The following XXYLT1 variants were observed in gnomAD, a reference collection of about 807,000 sequenced individuals.
XXYLT1 encodes the protein UDP-xylose:alpha-xyloside alpha-1,3-xylosyltransferase.
A neutral mutation model predicts 28.9 loss-of-function variants in XXYLT1; 20 were observed. The ratio of observed to expected loss-of-function variants is 0.69; its 90% confidence interval spans 0.49 to 1.00. The LOEUF is 1.00. Among genes scored for constraint, XXYLT1 ranks in the 50% least tolerant of loss-of-function variants. The probability of loss-of-function intolerance (pLI) is 0.00; values close to 1 mark genes in which losing one functional copy is unlikely to be tolerated. For missense variants in XXYLT1, 542 were observed against 560.1 expected (o/e 0.97, Z 0.33); for synonymous variants, 257 against 253.8 (o/e 1.01, Z -0.12).
intron 1 of XXYLT1, among the ~76,000 whole-genome samples, chr3:195,252,727 C>CACACACACACACACACAGAGAG (rs1191544595): frequency 8.4e-6 from 1 of 119,010 alleles, no homozygotes; most frequent in African/African-American, 4.0e-5. Context: ...CACACACACA[C>CACACACACACACACACAGAGAG]AGAGAGAGAG....
In XXYLT1 at chr3:195,173,475, CA is replaced by C. The variant is rs1345181861; in HGVS notation, c.653-16895del. The stretch of plus-strand genomic sequence containing the variant: ...TAAGACTGGGCGGAAGAACAGCTCC[CA>C]GCACAGCCTTGCTATGCACCTAAAA... On this transcript the variant is annotated intron_variant, in intron 2 of 3. Transcript: ENST00000310380. This position sits in a 1 kb window ranked among gnomAD's most constrained non-coding sequence, Gnocchi z 4.3. 6.6e-6 allele frequency among the ~76,000 whole-genome samples: 1 copy of C among 152,220 alleles called. No homozygotes were observed. Among genetic ancestry groups the C allele is most frequent in the Non-Finnish European group, 1.5e-5 (1 of 68,044 alleles).
rs532712424 is a variant in XXYLT1 at position 195,176,553 on chromosome 3, C to A, written c.653-19972G>T. 6.6e-6 allele frequency among the ~76,000 whole-genome samples: 1 copy of A among 152,306 alleles called. No individual in the cohort carries two copies. The highest frequency in any genetic ancestry group is 2.4e-5 in the African/African-American group (1 of 41,570). The stretch of plus-strand genomic sequence containing the variant: ...CCATCAGTACGTTCCACCCCTCTGA[C>A]ACACTGGTATAATTTGATTAATTTA... On this transcript the variant is annotated intron_variant, in intron 2 of 3. Coordinates refer to ENST00000310380, the MANE Select transcript of XXYLT1 (RefSeq NM_152531.5). The surrounding 1 kb of genome is among the most constrained non-coding windows in gnomAD (Gnocchi z 4.9).
At position 195,195,471 on chromosome 3, in the gene XXYLT1, C is replaced by T. The variant is rs1221958731; in HGVS notation, c.652+31238G>A. 6.6e-6 allele frequency among the ~76,000 whole-genome samples: 1 copy of T among 152,094 alleles called. No homozygotes were observed. Among genetic ancestry groups the T allele is most frequent in the African/African-American group, 2.4e-5 (1 of 41,410 alleles). On this transcript the variant is annotated intron_variant, in intron 2 of 3. Transcript: ENST00000310380. This position sits in a 1 kb window ranked among gnomAD's most constrained non-coding sequence, Gnocchi z 4.4. Reference sequence around the variant, plus strand: ...GTCAGAAGTCCCACTGAGAAGTGGCCGCAGTTCTTCCACTGGACAGAGCCT... The same window carrying T: ...GTCAGAAGTCCCACTGAGAAGTGGCTGCAGTTCTTCCACTGGACAGAGCCT...
At chr3:195,143,837 GATATAGAT>G (rs1443360606) in intron 3 of XXYLT1, among the ~76,000 whole-genome samples, 2,981 of 69,992 alleles carry the variant, frequency 0.043, 246 homozygotes, top group African/African-American at 0.15. Flanking sequence ...TATAGATATA[GATATAGAT>G]ATATATATAG....
chr3:195,162,089 CCT>C (rs1720900922), intron 2 of XXYLT1, among the ~76,000 whole-genome samples: 1 of 149,088 alleles, frequency 6.7e-6, no homozygotes, highest in Non-Finnish European at 1.5e-5. Context: ...CAAGTGAGGC[CCT>C]GTTTCAAAAA....
chr3:195,191,938 T>A (rs935854272), intron 2 of XXYLT1, among the ~76,000 whole-genome samples: 1 of 152,200 alleles, frequency 6.6e-6, no homozygotes, highest in African/African-American at 2.4e-5. Context: ...CTACTCTTGA[T>A]AATTGATGGA....
intron 3 of XXYLT1, among the ~76,000 whole-genome samples, chr3:195,130,281 C>G (rs1180952567): frequency 6.6e-6 from 1 of 152,200 alleles, no homozygotes; most frequent in Non-Finnish European, 1.5e-5. Flanking sequence ...GACTCTGGAG[C>G]TGGCTTTGAA....
intron 1 of XXYLT1, among the ~76,000 whole-genome samples, chr3:195,254,126 C>T (rs911642565): frequency 6.6e-6 from 1 of 152,188 alleles, no homozygotes; most frequent in African/African-American, 2.4e-5. Flanking sequence ...CCCCAGGGGG[C>T]CCTCAGCGCT....
intron 3 of XXYLT1, among the ~76,000 whole-genome samples, chr3:195,128,659 C>T (rs1718756437): frequency 6.6e-6 from 1 of 152,208 alleles, no homozygotes. Context: ...TCCTGACCAA[C>T]TCCTGCTTTC....
At chr3:195,120,693 C>A (rs973753590) in intron 3 of XXYLT1, among the ~76,000 whole-genome samples, 1 of 152,214 alleles carries the variant, frequency 6.6e-6, no homozygotes, top group African/African-American at 2.4e-5. Flanking sequence ...GAGAGTGAAA[C>A]CCATTTCATT....
chr3:195,163,712 A>T (rs1720981420), intron 2 of XXYLT1, among the ~76,000 whole-genome samples: 1 of 152,246 alleles, frequency 6.6e-6, no homozygotes, highest in Non-Finnish European at 1.5e-5. Flanking sequence ...AGAGAAGAGC[A>T]TAACTAAGCC....
At chr3:195,270,445 AG>A in intron 1 of XXYLT1, 109 bp downstream of exon 1, 1 of 1,340,534 alleles carries the variant, frequency 7.5e-7, no homozygotes, top group Non-Finnish European at 9.5e-7. Context: ...CGGGCAGCTC[AG>A]GGAAGATCCT....
At chr3:195,201,286 T>G (rs545054656) in intron 2 of XXYLT1, among the ~76,000 whole-genome samples, 1 of 152,266 alleles carries the variant, frequency 6.6e-6, no homozygotes, top group East Asian at 1.9e-4. Flanking sequence ...AGAGTGCATG[T>G]GAGGAAGGGC....
At chr3:195,229,868 C>T (rs576888265) in intron 1 of XXYLT1, among the ~76,000 whole-genome samples, 7 of 152,256 alleles carry the variant, frequency 4.6e-5, no homozygotes, top group South Asian at 2.1e-4. Context: ...GATATGTCTT[C>T]GATATACTTA....
chr3:195,203,391 T>A (rs1722936671), intron 2 of XXYLT1, among the ~76,000 whole-genome samples: 1 of 152,030 alleles, frequency 6.6e-6, no homozygotes, highest in African/African-American at 2.4e-5. Context: ...ATTTCACCTA[T>A]CAAATTGGCC....
At chr3:195,182,089 T>C (rs6773728) in intron 2 of XXYLT1, among the ~76,000 whole-genome samples, 7,083 of 152,204 alleles carry the variant, frequency 0.047, 580 homozygotes, top group African/African-American at 0.16. Context: ...TCCAACACCC[T>C]AAAACCTAGT....
intron 3 of XXYLT1, among the ~76,000 whole-genome samples, chr3:195,083,582 C>T (rs1194041543): frequency 6.6e-6 from 1 of 152,110 alleles, no homozygotes; most frequent in African/African-American, 2.4e-5. Context: ...AAGCACCATG[C>T]CCAGAAAAAT....
At chr3:195,171,732 T>A (rs1040137712) in intron 2 of XXYLT1, among the ~76,000 whole-genome samples, 1 of 152,174 alleles carries the variant, frequency 6.6e-6, no homozygotes, top group South Asian at 2.1e-4. Context: ...AGGTCTGTAT[T>A]CATGGTCTGG....
chr3:195,074,778 T>C (rs894488898), intron 3 of XXYLT1, among the ~76,000 whole-genome samples: 1 of 152,182 alleles, frequency 6.6e-6, no homozygotes, highest in African/African-American at 2.4e-5. Context: ...CACTGCCCTG[T>C]GGTATCAAAC....
Sources: gnomAD v4.1 joint callset for allele counts (sites outside exome capture counted in the v4.1 genomes callset) on GRCh38, gnomAD v4.1.1 for gene constraint, Gnocchi (gnomAD v3.1) non-coding constraint, MANE v1.5 for transcripts, NCBI Gene and HGNC (gene_info 2026-07-23, HGNC 2026-07-21) for gene names.